Variants in SKAP1 observed in about 807,000 individuals in gnomAD.
SKAP1 encodes the protein src kinase associated phosphoprotein 1.
A neutral mutation model predicts 58.5 loss-of-function variants in SKAP1; 44 were observed. The observed-to-expected ratio is 0.75, with a 90% CI of 0.59 to 0.97. The LOEUF (loss-of-function observed/expected upper bound fraction) is 0.97. Ranked by LOEUF, SKAP1 falls within the 50% of genes least tolerant of loss-of-function variation. The probability of loss-of-function intolerance (pLI) is 0.00; values close to 1 mark genes in which losing one functional copy is unlikely to be tolerated. For missense variants in SKAP1, 390 were observed against 435.2 expected (o/e 0.90, Z 0.92); for synonymous variants, 127 against 149.7 (o/e 0.85, Z 1.11).
intron 4 of SKAP1, among the ~76,000 whole-genome samples, chr17:48,190,404 G>A (rs916235602): frequency 2.6e-5 from 4 of 152,106 alleles, no homozygotes; most frequent in African/African-American, 4.8e-5. Flanking sequence ...GAGCCACTGC[G>A]CCCAGCCAAA....
intron 4 of SKAP1, among the ~76,000 whole-genome samples, chr17:48,236,638 G>A (rs1441338321): frequency 1.3e-5 from 2 of 152,164 alleles, no homozygotes; most frequent in African/African-American, 4.8e-5. Context: ...GAGGAGGAAC[G>A]AATAGGATGT....
chr17:48,390,073 G>C (rs1405274650), intron 2 of SKAP1, among the ~76,000 whole-genome samples: 1 of 152,184 alleles, frequency 6.6e-6, no homozygotes, highest in African/African-American at 2.4e-5. Flanking sequence ...TCAGAACAAA[G>C]GGCTTGGCTC....
rs1333271669 is a variant in SKAP1 at position 48,201,565 on chromosome 17, T to G, written c.281-12065A>C. Reference sequence around the variant, plus strand: ...CACTTGGCTAATTTATTTCTTATTTTTGGTAGAGACAGGGTCTCACTATGT... The same window carrying G: ...CACTTGGCTAATTTATTTCTTATTTGTGGTAGAGACAGGGTCTCACTATGT... On this transcript the variant is annotated intron_variant, in intron 4 of 12. Coordinates refer to ENST00000336915, the MANE Select transcript of SKAP1 (RefSeq NM_003726.4). 3.3e-5 allele frequency among the ~76,000 whole-genome samples: 5 copies of G among 152,108 alleles called. No homozygotes were observed. In the East Asian group the frequency reaches 9.6e-4, roughly 29 times the overall value.
At chr17:48,265,884 T>C (rs976923322) in intron 4 of SKAP1, among the ~76,000 whole-genome samples, 2 of 152,262 alleles carry the variant, frequency 1.3e-5, no homozygotes, top group African/African-American at 4.8e-5. Context: ...TCTGCATGTC[T>C]GTTTAGGTTG....
intron 1 of SKAP1, among the ~76,000 whole-genome samples, chr17:48,411,881 C>A (rs983670238): frequency 6.6e-6 from 1 of 152,134 alleles, no homozygotes; most frequent in Non-Finnish European, 1.5e-5. Flanking sequence ...CAGCAAGAGG[C>A]GCCCAAGGAG....
chr17:48,189,963 C>T (rs938434804), intron 4 of SKAP1, among the ~76,000 whole-genome samples: 15 of 152,192 alleles, frequency 9.9e-5, no homozygotes, highest in African/African-American at 3.4e-4. Context: ...CAGACGTGAG[C>T]CACCACACCC....
chr17:48,269,903 G>T (rs1306793020), intron 4 of SKAP1, among the ~76,000 whole-genome samples: 1 of 152,006 alleles, frequency 6.6e-6, no homozygotes, highest in Admixed American at 6.6e-5. Flanking sequence ...ACCTGAGGTC[G>T]GGAGTTCGCG....
At chr17:48,273,400 T>C (rs2065658332) in intron 4 of SKAP1, among the ~76,000 whole-genome samples, 1 of 149,408 alleles carries the variant, frequency 6.7e-6, no homozygotes, top group South Asian at 2.1e-4. Context: ...CCAAGGGCTA[T>C]ATATGCCAAA....
chr17:48,331,552 A>G (rs1032695626), intron 4 of SKAP1, among the ~76,000 whole-genome samples: 1 of 151,822 alleles, frequency 6.6e-6, no homozygotes, highest in Non-Finnish European at 1.5e-5. Context: ...ATACAAAATT[A>G]GCCGGGCGTG....
Position 48,430,096 on chromosome 17 carries a change from C to A in SKAP1, c.25G>T (p.Glu9Ter). 1 of 1,264,652 alleles carries A rather than the reference C, an allele frequency of 7.9e-7. No individual in the cohort carries two copies. The highest frequency in any genetic ancestry group is 1.0e-6 in the Non-Finnish European group (1 of 997,082). The allele number at this position is 1,264,652 out of a possible 1,614,324, so 78.3% of individuals were successfully genotyped here. ...TTACCTTCCAGGAGCCAACGGATCTCCTCAGGGAGGGCGGCGGCCTGCATT... is the reference window on the plus strand; with the variant it reads ...TTACCTTCCAGGAGCCAACGGATCTACTCAGGGAGGGCGGCGGCCTGCATT... MQAAALPEEIRWLLEDAEE... is the reference protein window; with the variant it reads MQAAALPE The change falls in exon 1 of 13, where the codon GAG (glutamate) becomes TAG (stop). Residue 9 changes from glutamate (E) to a stop codon, truncating the protein, a stop_gained. Coordinates refer to ENST00000336915, the MANE Select transcript of SKAP1 (RefSeq NM_003726.4). LOFTEE classifies it high-confidence loss of function.
chr17:48,214,930 G>A (rs201889917), intron 4 of SKAP1, among the ~76,000 whole-genome samples: 5 of 126,944 alleles, frequency 3.9e-5, no homozygotes, highest in Admixed American at 1.7e-4. Context: ...TCAAAATAAA[G>A]TAAAATAAAA....
chr17:48,342,598 T>C (rs915985517), intron 4 of SKAP1, among the ~76,000 whole-genome samples: 4 of 152,206 alleles, frequency 2.6e-5, no homozygotes, highest in Non-Finnish European at 5.9e-5. Context: ...CGACTGTGTA[T>C]CCTTTTATAA....
intron 1 of SKAP1, among the ~76,000 whole-genome samples, chr17:48,425,125 GCGTGCGC>G (rs1421093826): frequency 6.6e-6 from 1 of 152,038 alleles, no homozygotes; most frequent in Non-Finnish European, 1.5e-5. Context: ...TGTCATGGTG[GCGTGCGC>G]CAGTATTCCC....
At chr17:48,237,559 A>G (rs2065194956) in intron 4 of SKAP1, among the ~76,000 whole-genome samples, 1 of 152,226 alleles carries the variant, frequency 6.6e-6, no homozygotes, top group African/African-American at 2.4e-5. Context: ...TTTTAGCAGT[A>G]AAATTACAAA....
chr17:48,159,186 A>T (rs1347394398), intron 11 of SKAP1, among the ~76,000 whole-genome samples: 1 of 152,234 alleles, frequency 6.6e-6, no homozygotes, highest in Non-Finnish European at 1.5e-5. Context: ...ATTTAAAAAA[A>T]TTCTTTTTTG....
chr17:48,423,450 G>A (rs2067818916), intron 1 of SKAP1, among the ~76,000 whole-genome samples: 1 of 152,102 alleles, frequency 6.6e-6, no homozygotes, highest in East Asian at 1.9e-4. Context: ...TATTATCAAA[G>A]TACCCTTCCT....
upstream of SKAP1, among the ~76,000 whole-genome samples, chr17:48,432,493 G>GA (rs1321422063): frequency 6.6e-6 from 1 of 151,926 alleles, no homozygotes; most frequent in Admixed American, 6.6e-5. Context: ...TCAGGCTTGG[G>GA]ATCAAGTACC....
intron 4 of SKAP1, among the ~76,000 whole-genome samples, chr17:48,218,965 A>G (rs1454070878): frequency 1.3e-5 from 2 of 152,234 alleles, no homozygotes; most frequent in African/African-American, 2.4e-5. Context: ...CACATTTTAC[A>G]GTGGGAATAA....
chr17:48,275,364 A>G (rs2065686349), intron 4 of SKAP1, among the ~76,000 whole-genome samples: 1 of 152,018 alleles, frequency 6.6e-6, no homozygotes, highest in Admixed American at 6.6e-5. Context: ...TACCTCTGAT[A>G]TCCATTTAGG....
Sources: gnomAD v4.1 joint callset for allele counts (sites outside exome capture counted in the v4.1 genomes callset) on GRCh38, gnomAD v4.1.1 for gene constraint, MANE v1.5 for transcripts, NCBI Gene and HGNC (gene_info 2026-07-23, HGNC 2026-07-21) for gene names.